The following NOC2L variants were observed in gnomAD, a reference collection of about 807,000 sequenced individuals.
The protein encoded by NOC2L is NOC2 like nucleolar associated transcriptional repressor.
Under a neutral mutation model 94.2 loss-of-function variants are expected in NOC2L, and 101 were observed. The observed-to-expected ratio is 1.07, with a 90% CI of 0.91 to 1.26. NOC2L has a LOEUF of 1.26. Among genes scored for constraint, NOC2L ranks in the 50% most tolerant of loss-of-function variants. The pLI, the probability that NOC2L is intolerant of heterozygous loss-of-function variation, is 0.00. For synonymous variants in NOC2L, 531 were observed against 413.4 expected (o/e 1.28, Z -3.45); for missense variants, 1,076 against 980.1 (o/e 1.10, Z -1.31).
intron 14 of NOC2L, among the ~76,000 whole-genome samples, chr1:947,724 C>T (rs1045018673): frequency 2.0e-5 from 3 of 152,274 alleles, no homozygotes; most frequent in South Asian, 2.1e-4. Context: ...GGGTATTTGG[C>T]GGGGCAGGCC....
intron 9 of NOC2L, among the ~76,000 whole-genome samples, chr1:952,856 G>A (rs1056048102): frequency 9.9e-5 from 15 of 152,198 alleles, no homozygotes. Flanking sequence ...CATGGCTTGG[G>A]GACGGGCAGT....
intron 7 of NOC2L, 36 bp downstream of exon 7, chr1:953,968 A>T (rs200006513): frequency 6.2e-7 from 1 of 1,604,726 alleles, no homozygotes; most frequent in Non-Finnish European, 8.5e-7. Context: ...CACCAGATAC[A>T]GCCAGGCCCC....
rs372246552 is a variant in NOC2L at position 956,248 on chromosome 1, G to A, written c.487-33C>T. On this transcript the variant is annotated intron_variant, in intron 4 of 18. Transcript: ENST00000327044. ...AGCAAGAGTACCAGGGGCGTCAGGG[G>A]AGCTGAGACTGCACTTGGCAGAGTG... 4 of 1,608,786 alleles carry A rather than the reference G, an allele frequency of 2.5e-6. No homozygotes were observed. The African/African-American group carries it at 4.0e-5, about 16-fold the overall frequency.
In NOC2L at chr1:946,531, G is replaced by T. The variant is rs1053834077; in HGVS notation, c.1674C>A (p.Leu558=). The T allele has an allele frequency of 6.2e-7, 1 of 1,612,524 alleles. No homozygotes were observed. Among genetic ancestry groups the T allele is most frequent in the Non-Finnish European group, 8.5e-7 (1 of 1,179,426 alleles). The change falls in exon 15 of 19, where the codon CTC becomes CTA. Residue 558 remains leucine, a synonymous_variant. Transcript: ENST00000327044. Reference sequence around the variant, plus strand: ...AGTAGTTGGCCACCTTGCACTCCCGGAGGAACGACTTCAGCTGCGGAAGGG... The same window carrying T: ...AGTAGTTGGCCACCTTGCACTCCCGTAGGAACGACTTCAGCTGCGGAAGGG... ...LPVVLQLKSF[L]RECKVANYCR...
At chr1:949,546 G>A (rs1024152290) in intron 12 of NOC2L, among the ~76,000 whole-genome samples, 4 of 151,660 alleles carry the variant, frequency 2.6e-5, no homozygotes, top group South Asian at 2.1e-4. Context: ...CCGGAGAGGA[G>A]AGGCCTGCAT....
intron 6 of NOC2L, among the ~76,000 whole-genome samples, chr1:954,765 C>T (rs908167824): frequency 5.3e-5 from 8 of 151,582 alleles, no homozygotes; most frequent in South Asian, 2.1e-4. Flanking sequence ...AGGTACGTGT[C>T]GCAGTGAGCT....
chr1:954,147 T>A, intron 6 of NOC2L, 65 bp from the exon 7 acceptor site: 1 of 1,492,264 alleles, frequency 6.7e-7, no homozygotes, highest in Non-Finnish European at 9.3e-7. Flanking sequence ...CTGCTCAGCA[T>A]GTTGGCGCGT....
At chr1:947,694 C>G (rs1642151360) in intron 14 of NOC2L, among the ~76,000 whole-genome samples, 1 of 152,200 alleles carries the variant, frequency 6.6e-6, no homozygotes, top group Non-Finnish European at 1.5e-5. Flanking sequence ...CAGGCTGGGC[C>G]TTCCTATGAG....
At position 946,286 on chromosome 1, in the gene NOC2L, C is replaced by T. The variant is rs1642108889; in HGVS notation, c.1804G>A (p.Glu602Lys). The T allele has an allele frequency of 6.2e-7, 1 of 1,613,304 alleles. No homozygotes were observed. Among genetic ancestry groups the T allele is most frequent in the African/African-American group, 1.3e-5 (1 of 75,026 alleles). The change falls in exon 16 of 19, where the codon GAA (glutamate) becomes AAA (lysine). Residue 602 changes from glutamate (E) to lysine (K), a missense_variant and splice_region_variant. This residue lies in a region of NOC2L where 615 missense variants were observed against 577.4 expected (regional missense o/e 1.07). Coordinates refer to ENST00000327044, the MANE Select transcript of NOC2L (RefSeq NM_015658.4). ...TCCCGGGTCAGCTTCTCCCAGGCTT[C>T]CTGGGGGGTTGGGGGAGTTCAGGGT... ...SFGVSEQQAV[E>K]AWEKLTREEG...
chr1:946,327 G>A (rs755977529), intron 15 of NOC2L, 41 bp from the exon 16 acceptor site: 20 of 1,611,196 alleles, frequency 1.2e-5, no homozygotes, highest in South Asian at 8.8e-5. Context: ...CTCACCCTGG[G>A]CAAACCCCCA....
In NOC2L at chr1:952,530, A is replaced by G. The variant is rs1359193867; in HGVS notation, c.1073T>C (p.Met358Thr). The change falls in exon 10 of 19, where the codon ATG (methionine) becomes ACG (threonine). Residue 358 changes from methionine to threonine, a missense_variant. By Grantham distance (81) the Met-to-Thr change is moderately conservative. This residue lies in a region of NOC2L where 615 missense variants were observed against 577.4 expected (regional missense o/e 1.07). Transcript: ENST00000327044. ...CAGCAGCTCCGTCAAGGTCCACTGC[A>G]TGAAACTGATGAAGGGGAGGGCACC... The part of the protein sequence containing the change: ...SPGALPFISF[M>T]QWTLTELLAL... 6.2e-7 allele frequency: 1 copy of G among 1,613,942 alleles called. No individual in the cohort carries two copies. The highest frequency in any genetic ancestry group is 8.5e-7 in the Non-Finnish European group (1 of 1,180,018).
chr1:953,753 A>G (rs774503178), intron 8 of NOC2L, 29 bp downstream of exon 8: 1 of 1,528,656 alleles, frequency 6.5e-7, no homozygotes, highest in Non-Finnish European at 9.0e-7. Context: ...ACCCCATGAC[A>G]GACACAGGGA....
Position 944,750 on chromosome 1 carries a change from G to A in NOC2L, c.2194C>T (p.Leu732=). The A allele has an allele frequency of 6.2e-7, 1 of 1,600,428 alleles. No homozygotes were observed. Among genetic ancestry groups the A allele is most frequent in the Non-Finnish European group, 8.5e-7 (1 of 1,178,186 alleles). Residue 732 remains leucine, a synonymous_variant, in exon 19 of 19, where the codon CTG becomes TTG. Coordinates refer to ENST00000327044, the MANE Select transcript of NOC2L (RefSeq NM_015658.4). ...AGCTCGTCCTCCGGCCCCTGGGCCA[G>A]CTGCTGCAGCTCCCCAGGGGCCAGC... ...AGLAPGELQQ[L]AQGPEDELED...
rs374558436 is a variant in NOC2L, at chr1:945,670, C to T, written c.1918-17G>A. On this transcript the variant is annotated splice_polypyrimidine_tract_variant and intron_variant, in intron 16 of 18. Coordinates refer to ENST00000327044, the MANE Select transcript of NOC2L (RefSeq NM_015658.4). ...GTCTTCCAGCTGGAAGGCCAAAGAA[C>T]CAGGGGCTCAGGTGAGAGAGGGCAG... 4.0e-4 allele frequency: 649 copies of T among 1,614,134 alleles called. 3 individuals carry two copies. Among genetic ancestry groups the T allele is most frequent in the South Asian group, 1.3e-3 (122 of 91,078 alleles).
At chr1:946,117 AG>A in intron 16 of NOC2L, 55 bp downstream of exon 16, 2 of 1,284,278 alleles carry the variant, frequency 1.6e-6, no homozygotes, top group East Asian at 4.7e-5. Flanking sequence ...ATAGTGCGCT[AG>A]ATCTGAAACC....
chr1:948,848 G>A (rs1446834251), intron 12 of NOC2L, among the ~76,000 whole-genome samples: 1 of 152,132 alleles, frequency 6.6e-6, no homozygotes, highest in Non-Finnish European at 1.5e-5. Context: ...GATCAGCAGG[G>A]AAGGATCAGG....
intron 12 of NOC2L, among the ~76,000 whole-genome samples, chr1:950,260 T>C (rs1209215954): frequency 6.8e-6 from 1 of 147,942 alleles, no homozygotes; most frequent in Admixed American, 6.8e-5. Context: ...TGCACACAAG[T>C]GCACACAGAC....
intron 2 of NOC2L, 93 bp downstream of exon 2, chr1:958,836 G>A (rs1401972614): frequency 1.2e-5 from 16 of 1,319,442 alleles, no homozygotes; most frequent in East Asian, 2.3e-5. Context: ...GCGATCCTTA[G>A]GCCTTGGCCC....
chr1:950,897 C>T (rs1172479010), intron 12 of NOC2L, among the ~76,000 whole-genome samples: 3 of 152,188 alleles, frequency 2.0e-5, no homozygotes, highest in Middle Eastern at 3.2e-3. Flanking sequence ...GGTCAGGTCC[C>T]GGCATCCTCA....
Sources: allele counts gnomAD v4.1 joint callset (sites outside exome capture counted in the v4.1 genomes callset), GRCh38; gene constraint gnomAD v4.1.1; regional missense constraint gnomAD v4.1.1; transcripts MANE v1.5; gene names NCBI Gene and HGNC (gene_info 2026-07-23, HGNC 2026-07-21).